Variants in TMEM175 observed in about 807,000 individuals in gnomAD.
TMEM175 encodes the protein transmembrane protein 175, also known as endosomal/lysosomal proton channel TMEM175.
Under a neutral mutation model 36.5 loss-of-function variants are expected in TMEM175, and 36 were observed. That is an observed-to-expected ratio of 0.99 (90% confidence interval 0.76 to 1.30). The LOEUF (loss-of-function observed/expected upper bound fraction) is 1.30, where lower values mean the gene tolerates loss of function less well. Among genes scored for constraint, TMEM175 ranks in the 50% most tolerant of loss-of-function variants. The pLI, the probability that TMEM175 is intolerant of heterozygous loss-of-function variation, is 0.00. For synonymous variants in TMEM175, 339 were observed against 313.4 expected, an observed-to-expected ratio of 1.08 and a Z score of -0.86; for missense variants, 705 against 692.8, an observed-to-expected ratio of 1.02 and a Z score of -0.20.
At chr4:951,996 G>A (rs1452553200) in intron 6 of TMEM175, 11 of 589,490 alleles carry the variant, frequency 1.9e-5, no homozygotes, top group Admixed American at 9.0e-5. Flanking sequence ...CCTGTCCCTG[G>A]CGTGCAGCCC....
At chr4:938,270 G>A (rs865852678) in intron 1 of TMEM175, among the ~76,000 whole-genome samples, 9 of 152,194 alleles carry the variant, frequency 5.9e-5, no homozygotes, top group African/African-American at 7.2e-5. Context: ...TTAGGAGGCC[G>A]AGTCGGGTGG....
intron 1 of TMEM175, among the ~76,000 whole-genome samples, chr4:940,448 C>CA (rs397879918): frequency 0.62 from 56,935 of 91,210 alleles, 17,378 homozygotes; most frequent in South Asian, 0.67. Context: ...AACTCGATCT[C>CA]AAAAAAAAAA....
rs183747215 is a variant in TMEM175, at chr4:933,733, T to C, written c.-32+1193T>C. On this transcript the variant is annotated intron_variant, in intron 1 of 10. Transcript: ENST00000264771. The stretch of plus-strand genomic sequence containing the variant: ...AGTTATTTGTTCTCCAACTCAAAAA[T>C]GGATTCTAAAGCTCACATCAGCCTC... Among the ~76,000 whole-genome samples, 29 of 152,306 alleles carry C rather than the reference T, an allele frequency of 1.9e-4. 1 individual carries two copies. Among genetic ancestry groups the C allele is most frequent in the Admixed American group, 1.8e-3 (28 of 15,292 alleles).
intron 3 of TMEM175, among the ~76,000 whole-genome samples, chr4:950,100 G>T (rs1728671166): frequency 6.6e-6 from 1 of 151,256 alleles, no homozygotes; most frequent in Admixed American, 6.6e-5. Flanking sequence ...CCCCCAGCAG[G>T]AACACAGCCC....
At chr4:955,934 G>A in intron 10 of TMEM175, 44 bp downstream of exon 10, 1 of 1,598,224 alleles carries the variant, frequency 6.3e-7, no homozygotes, top group Non-Finnish European at 8.6e-7. Context: ...GGTGGCCAAT[G>A]TGTCTTGAGT....
intron 1 of TMEM175, among the ~76,000 whole-genome samples, chr4:945,533 ATGCCT>A (rs1728040217): frequency 6.6e-6 from 1 of 152,120 alleles, no homozygotes; most frequent in African/African-American, 2.4e-5. Context: ...GTGAAGTGGA[ATGCCT>A]TGTGTGTTTG....
intron 1 of TMEM175, among the ~76,000 whole-genome samples, chr4:942,178 C>T (rs185952768): frequency 6.6e-6 from 1 of 152,108 alleles, no homozygotes; most frequent in Non-Finnish European, 1.5e-5. Flanking sequence ...CCTGCCTCAG[C>T]CTCTCGAGTA....
intron 1 of TMEM175, among the ~76,000 whole-genome samples, chr4:942,015 A>C (rs1308411322): frequency 6.6e-6 from 1 of 152,088 alleles, no homozygotes; most frequent in African/African-American, 2.4e-5. Context: ...ACTTCGAGTT[A>C]ACTTTTGTAT....
chr4:937,015 A>G lies in TMEM175; in HGVS notation c.-32+4475A>G, dbSNP rs112254946. Among the ~76,000 whole-genome samples, 335 of 152,192 alleles carry G rather than the reference A, an allele frequency of 2.2e-3. 2 individuals carry two copies. Among genetic ancestry groups the G allele is most frequent in the African/African-American group, 7.6e-3 (315 of 41,536 alleles). ...ATGAAAGAGGCCCTGACATGCATACAATTAAGGCATTGCAACATACTTTGT... is the reference window on the plus strand; with the variant it reads ...ATGAAAGAGGCCCTGACATGCATACGATTAAGGCATTGCAACATACTTTGT... On this transcript the variant is annotated intron_variant, in intron 1 of 10. Coordinates refer to ENST00000264771, the MANE Select transcript of TMEM175 (RefSeq NM_032326.4).
rs552298818 is a variant in TMEM175, at chr4:954,121, C to T, written c.627+767C>T. 2.1e-4 allele frequency among the ~76,000 whole-genome samples: 32 copies of T among 152,010 alleles called. No individual in the cohort carries two copies. In the South Asian group the frequency reaches 4.4e-3, roughly 21 times the overall value. ...CTCCTGCCTCAGCCTCCTGAGTAGCCGGGATTACAGGTGCCTGCCACCACC... is the reference window on the plus strand; with the variant it reads ...CTCCTGCCTCAGCCTCCTGAGTAGCTGGGATTACAGGTGCCTGCCACCACC... On this transcript the variant is annotated intron_variant, in intron 8 of 10. Transcript: ENST00000264771.
At chr4:952,800 T>TGATC (rs1729116060) in intron 7 of TMEM175, among the ~76,000 whole-genome samples, 1 of 150,782 alleles carries the variant, frequency 6.6e-6, no homozygotes, top group Non-Finnish European at 1.5e-5. Flanking sequence ...TATGTGTGAG[T>TGATC]GATCGATTGC....
At position 954,524 on chromosome 4, in the gene TMEM175, C is replaced by T. The variant is rs117142413; in HGVS notation, c.628-881C>T. On this transcript the variant is annotated intron_variant, in intron 8 of 10. Coordinates refer to ENST00000264771, the MANE Select transcript of TMEM175 (RefSeq NM_032326.4). The stretch of plus-strand genomic sequence containing the variant: ...AGCACTGCTGGAGACGTGTAGCTGC[C>T]GTGAGTGGCGCCGGTGTGAGCATTG... 2.0e-3 allele frequency among the ~76,000 whole-genome samples: 306 copies of T among 151,998 alleles called. 3 individuals are homozygous for T. Among genetic ancestry groups the T allele is most frequent in the East Asian group, 0.017 (88 of 5,154 alleles).
In TMEM175 at chr4:947,885, C is replaced by T; in HGVS notation, c.146C>T (p.Thr49Ile). 5.0e-6 allele frequency: 8 copies of T among 1,613,854 alleles called. No individual in the cohort carries two copies. The highest frequency in any genetic ancestry group is 6.8e-6 in the Non-Finnish European group (8 of 1,180,018). The change falls in exon 2 of 11, where the codon ACC (threonine) becomes ATC (isoleucine). Residue 49 changes from threonine to isoleucine, a missense_variant. Coordinates refer to ENST00000264771, the MANE Select transcript of TMEM175 (RefSeq NM_032326.4). ...GACGCCCTGCTGTCCATCATCGCCA[C>T]CGTCATGGTCTGTACGGGGCCCCTG... is the stretch of plus-strand genomic sequence containing the variant. ...FSDALLSIIATVMILPVTHTE... is the reference protein window; with the variant it reads ...FSDALLSIIAIVMILPVTHTE...
intron 1 of TMEM175, among the ~76,000 whole-genome samples, chr4:935,890 A>G (rs1437382266): frequency 2.0e-5 from 3 of 152,214 alleles, no homozygotes; most frequent in Admixed American, 6.5e-5. Flanking sequence ...TATTTTTTCA[A>G]CTCACTTTTA....
At chr4:945,291 G>A (rs1727997217) in intron 1 of TMEM175, among the ~76,000 whole-genome samples, 4 of 147,720 alleles carry the variant, frequency 2.7e-5, no homozygotes, top group African/African-American at 5.0e-5. Context: ...TGTTTCCCCA[G>A]GCCCCCGCCG....
chr4:940,267 G>A (rs1727275956), intron 1 of TMEM175, among the ~76,000 whole-genome samples: 1 of 152,096 alleles, frequency 6.6e-6, no homozygotes, highest in South Asian at 2.1e-4. Context: ...TGGCCAACAT[G>A]GTGAAGCCCC....
intron 6 of TMEM175, 109 bp downstream of exon 6, chr4:951,826 TTG>T: frequency 8.1e-7 from 1 of 1,227,084 alleles, no homozygotes; most frequent in Non-Finnish European, 1.2e-6. Context: ...GGCCACACGG[TTG>T]TAGAGAAGAG....
intron 7 of TMEM175, among the ~76,000 whole-genome samples, chr4:952,680 G>T (rs1317786907): frequency 6.8e-6 from 1 of 146,358 alleles, no homozygotes; most frequent in Non-Finnish European, 1.5e-5. Flanking sequence ...TGCTCTTGGG[G>T]CCCGGGGTCC....
At chr4:945,922 CTTCTGT>C (rs1433939905) in intron 1 of TMEM175, 1 of 152,272 alleles carries the variant, frequency 6.6e-6, no homozygotes, top group Non-Finnish European at 1.5e-5. Flanking sequence ...ACAGAAATTA[CTTCTGT>C]TTCTAACACG....
Sources: gnomAD v4.1 joint callset for allele counts (sites outside exome capture counted in the v4.1 genomes callset) on GRCh38, gnomAD v4.1.1 for gene constraint, MANE v1.5 for transcripts, NCBI Gene and HGNC (gene_info 2026-07-23, HGNC 2026-07-21) for gene names.